Variants in RBFOX3 observed in about 807,000 individuals in gnomAD.
RBFOX3 encodes the protein RNA binding fox-1 homolog 3.
A neutral mutation model predicts 48.7 loss-of-function variants in RBFOX3; 17 were observed. The ratio of observed to expected loss-of-function variants is 0.35; its 90% CI spans 0.24 to 0.52. The LOEUF (loss-of-function observed/expected upper bound fraction) is 0.52, where lower values mean the gene tolerates loss of function less well. Ranked by LOEUF, RBFOX3 falls within the 20% of genes least tolerant of loss-of-function variation. The pLI, the probability that RBFOX3 is intolerant of heterozygous loss-of-function variation, is 0.94. For missense variants in RBFOX3, 382 were observed against 497.5 expected, an observed-to-expected ratio of 0.77 and a Z score of 2.21; for synonymous variants, 212 against 209.5, an observed-to-expected ratio of 1.01 and a Z score of -0.10.
intron 3 of RBFOX3, among the ~76,000 whole-genome samples, chr17:79,288,344 G>A (rs2144745456): frequency 6.6e-6 from 1 of 152,306 alleles, no homozygotes; most frequent in South Asian, 2.1e-4. Flanking sequence ...TGCCATCAGA[G>A]AGCGGAGATA....
chr17:79,248,671 C>CA (rs1314268286), intron 3 of RBFOX3, among the ~76,000 whole-genome samples: 1 of 152,242 alleles, frequency 6.6e-6, no homozygotes, highest in Non-Finnish European at 1.5e-5. Flanking sequence ...GAGTGCTTTG[C>CA]ACATCTCCTC....
chr17:79,344,996 C>G (rs1223947425), intron 2 of RBFOX3, among the ~76,000 whole-genome samples: 2 of 152,220 alleles, frequency 1.3e-5, no homozygotes, highest in Non-Finnish European at 2.9e-5. Flanking sequence ...CCATACTTGA[C>G]CACTCCTACC....
chr17:79,267,819 G>A (rs1019293294), intron 3 of RBFOX3, among the ~76,000 whole-genome samples: 1 of 152,132 alleles, frequency 6.6e-6, no homozygotes, highest in Admixed American at 6.5e-5. Flanking sequence ...TCTAAGGTGT[G>A]GAAACCTGGG....
At chr17:79,591,433 C>T (rs1407560772) in intron 1 of RBFOX3, among the ~76,000 whole-genome samples, 13 of 152,210 alleles carry the variant, frequency 8.5e-5, no homozygotes, top group African/African-American at 7.2e-5. Context: ...AGCCAGGCTG[C>T]GCCCATCCGA....
At chr17:79,545,934 G>A (rs917113408) in intron 1 of RBFOX3, among the ~76,000 whole-genome samples, 1 of 152,190 alleles carries the variant, frequency 6.6e-6, no homozygotes, top group Admixed American at 6.5e-5. Context: ...TAATTGGAAA[G>A]ACTGTGTGTG....
At position 79,198,678 on chromosome 17, in the gene RBFOX3, T is replaced by C. The variant is rs781092148; in HGVS notation, c.-34+37088A>G. 1.5e-4 allele frequency among the ~76,000 whole-genome samples: 22 copies of C among 151,604 alleles called. No individual in the cohort carries two copies. The highest frequency in any genetic ancestry group is 3.1e-4 in the Non-Finnish European group (21 of 67,962). ...TCTTGCTCTGTCACTCAAGCTGGAG[T>C]GCAGTGGCATGATCTAGGCTCGTTG... On this transcript the variant is annotated intron_variant, in intron 4 of 14. Coordinates refer to ENST00000693108, the MANE Select transcript of RBFOX3 (RefSeq NM_001350451.2). The surrounding 1 kb of genome is among the most constrained non-coding windows in gnomAD (Gnocchi z 8.2).
At chr17:79,450,909 C>T (rs1555741250) in intron 2 of RBFOX3, among the ~76,000 whole-genome samples, 1 of 152,174 alleles carries the variant, frequency 6.6e-6, no homozygotes, top group African/African-American at 2.4e-5. Flanking sequence ...GAAACAAATT[C>T]AAGAAGTAAA....
chr17:79,633,722 C>T, the RBFOX3 span, among the ~76,000 whole-genome samples: 1 of 152,118 alleles, frequency 6.6e-6, no homozygotes, highest in Non-Finnish European at 1.5e-5. Flanking sequence ...GTAGAATTTC[C>T]ATCGTGAGGC....
At chr17:79,616,782 C>T in the RBFOX3 span, among the ~76,000 whole-genome samples, 1 of 152,220 alleles carries the variant, frequency 6.6e-6, no homozygotes. Flanking sequence ...AAACGCCCCA[C>T]TACTGTTTCA....
rs34700433 is a variant in RBFOX3 at position 79,118,814 on chromosome 17, TAA to T, written c.-33-3068_-33-3067del. ...ACAGTGAAACCCTCTCTACAAAAAA[TAA>T]AAAAAAAAAAAATAGCCAGGTGTGG... On this transcript the variant is annotated intron_variant, in intron 4 of 14. Coordinates refer to ENST00000693108, the MANE Select transcript of RBFOX3 (RefSeq NM_001350451.2). Among the ~76,000 whole-genome samples the T allele has an allele frequency of 2.6e-3, 371 of 142,346 alleles. 2 individuals carry two copies. Among genetic ancestry groups the T allele is most frequent in the African/African-American group, 8.2e-3 (316 of 38,674 alleles). The allele number at this position is 142,346 out of a possible 152,430, so 93.4% of individuals were successfully genotyped here.
intron 3 of RBFOX3, among the ~76,000 whole-genome samples, chr17:79,302,372 C>G (rs1233779860): frequency 6.6e-6 from 1 of 152,166 alleles, no homozygotes; most frequent in Middle Eastern, 3.2e-3. Flanking sequence ...TGGTTCCTGG[C>G]AAGCACTACA....
chr17:79,390,747 C>A lies in RBFOX3; in HGVS notation c.-174-82923G>T, dbSNP rs1335230184. On this transcript the variant is annotated intron_variant, in intron 2 of 14. Transcript: ENST00000693108. This position sits in a 1 kb window ranked among gnomAD's most constrained non-coding sequence, Gnocchi z 4.2. ...CCGTCTCGGCCTCCCAACGCATGGC[C>A]CATTCAAAGTTTGCCAGAGGCGAGT... Among the ~76,000 whole-genome samples, 2 of 152,168 alleles carry A rather than the reference C, an allele frequency of 1.3e-5. No individual in the cohort carries two copies. The highest frequency in any genetic ancestry group is 1.5e-5 in the Non-Finnish European group (1 of 68,036).
At chr17:79,399,365 A>C (rs1028485653) in intron 2 of RBFOX3, among the ~76,000 whole-genome samples, 1 of 152,244 alleles carries the variant, frequency 6.6e-6, no homozygotes, top group African/African-American at 2.4e-5. Flanking sequence ...CTGGTAAATC[A>C]GCAGTTTTGC....
intron 4 of RBFOX3, among the ~76,000 whole-genome samples, chr17:79,154,944 C>T (rs1449222582): frequency 6.6e-6 from 1 of 152,094 alleles, no homozygotes; most frequent in African/African-American, 2.4e-5. Flanking sequence ...CCTCCCAGGA[C>T]ACCTCAGCCC....
chr17:79,296,299 CA>C (rs1274867249), intron 3 of RBFOX3, among the ~76,000 whole-genome samples: 2 of 137,750 alleles, frequency 1.5e-5, no homozygotes, highest in African/African-American at 5.9e-5. Flanking sequence ...GACACACACA[CA>C]CACACCACAC....
chr17:79,640,494 A>AATAT, the RBFOX3 span, among the ~76,000 whole-genome samples: 1 of 152,218 alleles, frequency 6.6e-6, no homozygotes, highest in East Asian at 1.9e-4. Flanking sequence ...AAAGATCCTG[A>AATAT]ATAGCCAAGC....
chr17:79,532,531 G>T (rs2087959774), intron 1 of RBFOX3, among the ~76,000 whole-genome samples: 1 of 152,232 alleles, frequency 6.6e-6, no homozygotes. Context: ...ACACGTGGGA[G>T]GCTGGAGGAG....
In RBFOX3 at chr17:79,362,925, C is replaced by G. The variant is rs1013598775; in HGVS notation, c.-174-55101G>C. 6.6e-6 allele frequency among the ~76,000 whole-genome samples: 1 copy of G among 152,222 alleles called. No individual in the cohort carries two copies. Among genetic ancestry groups the G allele is most frequent in the African/African-American group, 2.4e-5 (1 of 41,460 alleles). On this transcript the variant is annotated intron_variant, in intron 2 of 14. Transcript: ENST00000693108. This position sits in a 1 kb window ranked among gnomAD's most constrained non-coding sequence, Gnocchi z 4.2. ...AGAGGTCCCACTCCCCAATCTATATCCCCAAATGCTGGTGATGTCCTGTCC... is the reference window on the plus strand; with the variant it reads ...AGAGGTCCCACTCCCCAATCTATATGCCCAAATGCTGGTGATGTCCTGTCC...
chr17:79,442,267 G>A (rs1555735358), intron 2 of RBFOX3, among the ~76,000 whole-genome samples: 2 of 26,058 alleles, frequency 7.7e-5, no homozygotes, highest in African/African-American at 1.6e-4. Context: ...GAGAGAGAGA[G>A]AGAGAGAGAG....
Sources: gnomAD v4.1 joint callset for allele counts (sites outside exome capture counted in the v4.1 genomes callset) on GRCh38, gnomAD v4.1.1 for gene constraint, Gnocchi (gnomAD v3.1) non-coding constraint, MANE v1.5 for transcripts, NCBI Gene and HGNC (gene_info 2026-07-23, HGNC 2026-07-21) for gene names.